IPCEF1: variants seen among roughly 807,000 people sequenced by gnomAD.
The protein encoded by IPCEF1 is interactor protein for cytohesin exchange factors 1.
A neutral mutation model predicts 50.9 loss-of-function variants in IPCEF1; 31 were observed. The ratio of observed to expected loss-of-function variants is 0.61; its 90% CI spans 0.46 to 0.82. The LOEUF (loss-of-function observed/expected upper bound fraction) is 0.82, where lower values mean the gene tolerates loss of function less well. IPCEF1 is among the 40% of genes least tolerant of loss of function. IPCEF1 has a pLI of 0.00. For synonymous variants in IPCEF1, 181 were observed against 192.0 expected (o/e 0.94, Z 0.47); for missense variants, 458 against 514.0 (o/e 0.89, Z 1.05).
In IPCEF1 at chr6:154,195,437, G is replaced by A. The variant is rs191309205; in HGVS notation, c.910+4231C>T. ...GCTGGGATTACAGGTGTGAGCCACC[G>A]TGCCTGGCCCAGCTACAATAATTTT... On this transcript the variant is annotated intron_variant, in intron 10 of 11. Transcript: ENST00000367220. Among the ~76,000 whole-genome samples the A allele has an allele frequency of 4.5e-3, 688 of 151,856 alleles. 1 individual carries two copies. The highest frequency in any genetic ancestry group is 0.015 in the African/African-American group (613 of 41,402).
chr6:154,340,274 G>A (rs942440786), intron 1 of IPCEF1, among the ~76,000 whole-genome samples: 32 of 151,346 alleles, frequency 2.1e-4, no homozygotes, highest in Admixed American at 1.2e-3. Flanking sequence ...TTTTTGAGAC[G>A]GAGTCTTGCT....
intron 2 of IPCEF1, among the ~76,000 whole-genome samples, chr6:154,282,411 G>A (rs1038049786): frequency 9.2e-5 from 14 of 152,168 alleles, no homozygotes; most frequent in Admixed American, 2.6e-4. Flanking sequence ...GGCAGGGCGC[G>A]GTGGCTCACG....
intron 1 of IPCEF1, among the ~76,000 whole-genome samples, chr6:154,309,840 T>C (rs1268220036): frequency 1.3e-5 from 2 of 151,882 alleles, no homozygotes; most frequent in African/African-American, 2.4e-5. Flanking sequence ...CTTGGCTCAC[T>C]GCAACCTCCG....
chr6:154,301,187 T>A (rs1199875390), intron 1 of IPCEF1, among the ~76,000 whole-genome samples: 1 of 152,210 alleles, frequency 6.6e-6, no homozygotes, highest in Non-Finnish European at 1.5e-5. Flanking sequence ...ATCATTGTTG[T>A]CGTAGTCTAT....
At chr6:154,334,670 A>G (rs930979466) in intron 1 of IPCEF1, among the ~76,000 whole-genome samples, 3 of 152,236 alleles carry the variant, frequency 2.0e-5, no homozygotes, top group Non-Finnish European at 4.4e-5. Flanking sequence ...GAAACCTTAC[A>G]TAAGAGACCT....
rs577627842 is a variant in IPCEF1, at chr6:154,181,582, C to T, written c.911-13469G>A. On this transcript the variant is annotated intron_variant, in intron 10 of 11. Coordinates refer to ENST00000367220, the MANE Select transcript of IPCEF1 (RefSeq NM_001130700.2). ...TTTCAAATTAGGCAATATATAGTCA[C>T]TGAGATAGCAGTTGACTGAACTGGA... 5.3e-5 allele frequency among the ~76,000 whole-genome samples: 8 copies of T among 152,292 alleles called. No homozygotes were observed. In the East Asian group the frequency reaches 1.5e-3, roughly 29 times the overall value.
At chr6:154,340,028 A>C (rs553114654) in intron 1 of IPCEF1, among the ~76,000 whole-genome samples, 1 of 152,112 alleles carries the variant, frequency 6.6e-6, no homozygotes, top group Non-Finnish European at 1.5e-5. Flanking sequence ...TGGGTGCTCA[A>C]CATATTGCAG....
rs146185388 is a variant in IPCEF1, at chr6:154,351,962, A to G, written c.-62+4710T>C. Among the ~76,000 whole-genome samples, 977 of 152,256 alleles carry G rather than the reference A, an allele frequency of 6.4e-3. 14 individuals carry two copies. Among genetic ancestry groups the G allele is most frequent in the African/African-American group, 0.022 (929 of 41,550 alleles). ...ACACATGGACATAGGGAGCGGAAAA[A>G]CACACACTGAGGCCTGTGAGGGCCG... is the stretch of plus-strand genomic sequence containing the variant. On this transcript the variant is annotated intron_variant, in intron 1 of 11. Coordinates refer to ENST00000367220, the MANE Select transcript of IPCEF1 (RefSeq NM_001130700.2).
At chr6:154,269,543 C>T (rs1189292903) in intron 2 of IPCEF1, among the ~76,000 whole-genome samples, 1 of 151,434 alleles carries the variant, frequency 6.6e-6, no homozygotes, top group East Asian at 1.9e-4. Context: ...GCTTTGTAGC[C>T]CAGGCTGGTC....
chr6:154,352,955 A>G (rs542329606), intron 1 of IPCEF1, among the ~76,000 whole-genome samples: 2 of 152,350 alleles, frequency 1.3e-5, no homozygotes, highest in Admixed American at 6.5e-5. Context: ...TGCATTTTTT[A>G]GGAAATCATC....
At chr6:154,287,045 C>G (rs1310735360) in intron 2 of IPCEF1, among the ~76,000 whole-genome samples, 2 of 152,178 alleles carry the variant, frequency 1.3e-5, no homozygotes, top group African/African-American at 4.8e-5. Flanking sequence ...ATTGCTCGAG[C>G]TCAGGAGTTT....
At chr6:154,290,703 C>CA (rs376296199) in intron 1 of IPCEF1, among the ~76,000 whole-genome samples, 156 of 152,072 alleles carry the variant, frequency 1.0e-3, no homozygotes, top group African/African-American at 3.3e-3. Flanking sequence ...AGCAAATTAT[C>CA]AAAAAATCAT....
chr6:154,212,902 T>C, intron 8 of IPCEF1, 47 bp from the exon 9 acceptor site: 1 of 1,260,132 alleles, frequency 7.9e-7, no homozygotes, highest in Non-Finnish European at 1.2e-6. Context: ...TGTCATCGCT[T>C]ATTCCATAAT....
intron 1 of IPCEF1, among the ~76,000 whole-genome samples, chr6:154,340,190 A>G (rs949336788): frequency 6.6e-6 from 1 of 152,128 alleles, no homozygotes; most frequent in African/African-American, 2.4e-5. Context: ...AGTCTTGACG[A>G]CATGTGCCCA....
intron 1 of IPCEF1, among the ~76,000 whole-genome samples, chr6:154,310,553 T>C (rs1783052799): frequency 6.6e-6 from 1 of 152,160 alleles, no homozygotes; most frequent in Non-Finnish European, 1.5e-5. Context: ...TCCAAAGAAA[T>C]TGAAATTAGT....
At chr6:154,344,915 T>G (rs1783997846) in intron 1 of IPCEF1, among the ~76,000 whole-genome samples, 1 of 152,222 alleles carries the variant, frequency 6.6e-6, no homozygotes, top group African/African-American at 2.4e-5. Context: ...AGATAGGGTT[T>G]CACTCTGTCA....
intron 1 of IPCEF1, among the ~76,000 whole-genome samples, chr6:154,337,118 T>C (rs531909580): frequency 8.9e-4 from 136 of 152,210 alleles, no homozygotes; most frequent in African/African-American, 3.2e-3. Context: ...TCCATAAATA[T>C]GTATAAATAT....
intron 3 of IPCEF1, among the ~76,000 whole-genome samples, chr6:154,250,251 G>GT (rs1006450878): frequency 1.4e-5 from 2 of 144,024 alleles, no homozygotes; most frequent in Non-Finnish European, 3.0e-5. Context: ...CGCTAGGTAA[G>GT]TAAAAAAAAA....
chr6:154,274,810 G>A (rs1175046924), intron 2 of IPCEF1, among the ~76,000 whole-genome samples: 1 of 152,198 alleles, frequency 6.6e-6, no homozygotes, highest in Non-Finnish European at 1.5e-5. Flanking sequence ...CCCTGTGTTG[G>A]TTGCGCCCAA....
Sources: gnomAD v4.1 joint callset for allele counts (sites outside exome capture counted in the v4.1 genomes callset) on GRCh38, gnomAD v4.1.1 for gene constraint, MANE v1.5 for transcripts, NCBI Gene and HGNC (gene_info 2026-07-23, HGNC 2026-07-21) for gene names.